The following CAST variants were observed in gnomAD, a reference collection of about 807,000 sequenced individuals.
The protein encoded by CAST is calpastatin, also known as MIR583 host.
Under a neutral mutation model 119.6 loss-of-function variants are expected in CAST, and 76 were observed. The ratio of observed to expected loss-of-function variants is 0.64; its 90% confidence interval spans 0.53 to 0.77. The LOEUF is 0.77. Among genes scored for constraint, CAST ranks in the 30% least tolerant of loss-of-function variants. CAST has a pLI of 0.00. For synonymous variants in CAST, 319 were observed against 331.6 expected, an observed-to-expected ratio of 0.96 and a Z score of 0.41; for missense variants, 953 against 946.5, an observed-to-expected ratio of 1.01 and a Z score of -0.09.
At chr5:96,374,102 AC>A in the CAST span, among the ~76,000 whole-genome samples, 1 of 152,202 alleles carries the variant, frequency 6.6e-6, no homozygotes, top group African/African-American at 2.4e-5. Flanking sequence ...AAAACCTGCT[AC>A]ACTTCAAAGT....
At chr5:96,481,991 G>T in the CAST span, among the ~76,000 whole-genome samples, 2 of 152,094 alleles carry the variant, frequency 1.3e-5, no homozygotes, top group Non-Finnish European at 2.9e-5. Flanking sequence ...ACCTGGCCTT[G>T]GTGCCCCACA....
At chr5:96,201,952 A>AAAAAT in the CAST span, among the ~76,000 whole-genome samples, 8 of 151,780 alleles carry the variant, frequency 5.3e-5, no homozygotes, top group Admixed American at 2.0e-4. Flanking sequence ...AAGATGAAAT[A>AAAAAT]AAAATAAAAT....
At chr5:96,012,809 T>C in the CAST span, among the ~76,000 whole-genome samples, 2 of 152,200 alleles carry the variant, frequency 1.3e-5, no homozygotes, top group African/African-American at 4.8e-5. Context: ...GCTAATGGCA[T>C]AGGGTTAGCA....
At chr5:96,078,883 G>A in the CAST span, among the ~76,000 whole-genome samples, 1 of 152,220 alleles carries the variant, frequency 6.6e-6, no homozygotes, top group Admixed American at 6.5e-5. Context: ...GGAGCTGAAT[G>A]ATGAGAACAT....
the CAST span, among the ~76,000 whole-genome samples, chr5:96,125,659 T>G: frequency 1.3e-5 from 2 of 152,190 alleles, no homozygotes; most frequent in African/African-American, 4.8e-5. Flanking sequence ...AAACTTAAAA[T>G]GGTACACTCA....
rs757051812 is a variant in CAST at position 96,741,356 on chromosome 5, GA to G, written c.1010del (p.Glu337GlyfsTer7). ...PTAAGKKTEK[E>X]ESTEVLKAQS... ...AGCTGCTGGAAAGAAAACTGAAAAA[GA>G]GGTATTGTTTTTAGTGTTGTTAAGG... is the stretch of plus-strand genomic sequence containing the variant. On this transcript the variant is annotated frameshift_variant and splice_region_variant, in exon 14 of 32. Coordinates refer to ENST00000675179, the MANE Select transcript of CAST (RefSeq NM_001750.7). LOFTEE classifies it high-confidence loss of function. The G allele has an allele frequency of 6.2e-7, 1 of 1,601,928 alleles. No individual in the cohort carries two copies. Among genetic ancestry groups the G allele is most frequent in the Non-Finnish European group, 8.6e-7 (1 of 1,168,966 alleles).
At chr5:96,229,275 T>C in the CAST span, among the ~76,000 whole-genome samples, 2 of 150,922 alleles carry the variant, frequency 1.3e-5, no homozygotes, top group Non-Finnish European at 2.9e-5. Flanking sequence ...ATACAAAGGA[T>C]ACTTTGCTCC....
Position 96,747,848 on chromosome 5 carries a change from C to T in CAST, c.1332+456C>T, listed in dbSNP as rs369705727. On this transcript the variant is annotated intron_variant, in intron 18 of 31. Transcript: ENST00000675179. ...TTTGTGAGTCCTCAATGAATGAGGACGGTACTGTTATTATTCCCATTTTAC... is the reference window on the plus strand; with the variant it reads ...TTTGTGAGTCCTCAATGAATGAGGATGGTACTGTTATTATTCCCATTTTAC... 2.1e-4 allele frequency among the ~76,000 whole-genome samples: 32 copies of T among 152,242 alleles called. No individual in the cohort carries two copies. In the East Asian group the frequency reaches 2.9e-3, roughly 14 times the overall value.
chr5:96,410,441 T>G, the CAST span, among the ~76,000 whole-genome samples: 3 of 152,026 alleles, frequency 2.0e-5, no homozygotes, highest in Non-Finnish European at 2.9e-5. Flanking sequence ...CCTACAACCC[T>G]GAGATCTCCT....
intron 28 of CAST, 48 bp downstream of exon 28, chr5:96,767,530 C>A: frequency 6.9e-7 from 1 of 1,447,524 alleles, no homozygotes; most frequent in African/African-American, 1.4e-5. Flanking sequence ...TTTATTCTAG[C>A]CATAGGGGTA....
chr5:96,450,275 AATT>A, the CAST span, among the ~76,000 whole-genome samples: 16 of 152,230 alleles, frequency 1.1e-4, no homozygotes, highest in Non-Finnish European at 2.9e-5. Context: ...AATAAAATAA[AATT>A]ATGTCTTTTG....
chr5:96,446,401 T>A, the CAST span, among the ~76,000 whole-genome samples: 5 of 152,140 alleles, frequency 3.3e-5, no homozygotes, highest in East Asian at 9.6e-4. Context: ...ATTTTGGGGC[T>A]TTTTTCTGTG....
the CAST span, among the ~76,000 whole-genome samples, chr5:96,181,997 G>C: frequency 6.6e-6 from 1 of 152,100 alleles, no homozygotes; most frequent in African/African-American, 2.4e-5. Flanking sequence ...AAATGGATAA[G>C]GACAATAAGA....
chr5:96,084,126 C>T, the CAST span, among the ~76,000 whole-genome samples: 1 of 152,126 alleles, frequency 6.6e-6, no homozygotes, highest in Admixed American at 6.5e-5. Flanking sequence ...AGAGGTAAAA[C>T]AACTGGCCAG....
At chr5:96,330,176 C>A in the CAST span, among the ~76,000 whole-genome samples, 41,469 of 152,128 alleles carry the variant, frequency 0.27, 6,498 homozygotes, top group Admixed American at 0.4. Flanking sequence ...TGATATTTGA[C>A]CATTTTTTAA....
chr5:96,690,831 C>G (rs1458945704), intron 2 of CAST, among the ~76,000 whole-genome samples: 1 of 152,130 alleles, frequency 6.6e-6, no homozygotes, highest in East Asian at 1.9e-4. Context: ...CATGTATTTT[C>G]ATGTAGAAAC....
the CAST span, among the ~76,000 whole-genome samples, chr5:96,519,614 T>A: frequency 1.3e-5 from 2 of 152,200 alleles, no homozygotes; most frequent in African/African-American, 2.4e-5. Flanking sequence ...TCCGTCTTAC[T>A]TTTTTTCTTC....
At chr5:96,655,821 A>C (rs1304111579) in intron 1 of CAST, among the ~76,000 whole-genome samples, 1 of 152,252 alleles carries the variant, frequency 6.6e-6, no homozygotes, top group African/African-American at 2.4e-5. Flanking sequence ...TAACATTCTC[A>C]AGAGCCTATT....
At chr5:96,303,109 T>C in the CAST span, among the ~76,000 whole-genome samples, 1 of 152,208 alleles carries the variant, frequency 6.6e-6, no homozygotes, top group Non-Finnish European at 1.5e-5. Flanking sequence ...GAAACTTAAA[T>C]CATGGCGGAA....
Sources: allele counts gnomAD v4.1 joint callset (sites outside exome capture counted in the v4.1 genomes callset), GRCh38; gene constraint gnomAD v4.1.1; transcripts MANE v1.5; gene names NCBI Gene and HGNC (gene_info 2026-07-23, HGNC 2026-07-21).